The following EHMT1 variants were observed in gnomAD, a reference collection of about 807,000 sequenced individuals.
EHMT1 encodes euchromatic histone lysine methyltransferase 1, also known as histone-lysine N-methyltransferase EHMT1.
EHMT1 carries 15 observed loss-of-function variants against 147.2 expected under a neutral mutation model. The ratio of observed to expected loss-of-function variants is 0.10; its 90% CI spans 0.07 to 0.16. EHMT1 has a LOEUF of 0.16. EHMT1 is among the 10% of genes least tolerant of loss of function. The pLI, the probability that EHMT1 is intolerant of heterozygous loss-of-function variation, is 1.00. For synonymous variants in EHMT1, 795 were observed against 709.6 expected (o/e 1.12, Z -1.91); for missense variants, 1,587 against 1,772.4 (o/e 0.90, Z 1.88).
chr9:137,715,821 C>A (rs1371181694), intron 2 of EHMT1: 1 of 985,200 alleles, frequency 1.0e-6, no homozygotes, highest in Non-Finnish European at 1.2e-6. Flanking sequence ...TCTTCTGAAG[C>A]CTTGTTTTCT....
At chr9:137,768,786 G>A (rs912679723) in intron 10 of EHMT1, among the ~76,000 whole-genome samples, 5 of 151,514 alleles carry the variant, frequency 3.3e-5, no homozygotes, top group Non-Finnish European at 7.4e-5. Context: ...TCCTGACCTC[G>A]TGATCCGCCC....
At chr9:137,635,516 T>A (rs550481053) in intron 1 of EHMT1, among the ~76,000 whole-genome samples, 1 of 150,810 alleles carries the variant, frequency 6.6e-6, no homozygotes, top group Admixed American at 6.6e-5. Context: ...CGCTCGGCCT[T>A]CAGTTTTCTT....
chr9:137,686,543 C>A (rs1310742691), intron 1 of EHMT1, among the ~76,000 whole-genome samples: 1 of 151,794 alleles, frequency 6.6e-6, no homozygotes, highest in African/African-American at 2.4e-5. Context: ...GTGTGCACCC[C>A]CATCCCCGGC....
At chr9:137,678,493 T>G (rs10867051) in intron 1 of EHMT1, among the ~76,000 whole-genome samples, 34,126 of 152,062 alleles carry the variant, frequency 0.22, 4,205 homozygotes, top group Admixed American at 0.33. Context: ...CCGTGTCAGT[T>G]CCCTGCGTGC....
At position 137,637,572 on chromosome 9, in the gene EHMT1, C is replaced by T. The variant is rs192173206; in HGVS notation, c.21+18523C>T. ...TCATGGCTCACTTCAGTCTTGAACT[C>T]CTGAGCTCAAGTGATCCTCCTACTT... On this transcript the variant is annotated intron_variant, in intron 1 of 26. Coordinates refer to ENST00000460843, the MANE Select transcript of EHMT1 (RefSeq NM_024757.5). 9 of 152,328 alleles carry T rather than the reference C, an allele frequency of 5.9e-5. No individual in the cohort carries two copies. In the East Asian group the frequency reaches 1.7e-3, roughly 29 times the overall value. The allele number at this position is 152,328 out of a possible 1,614,324, so 9.4% of individuals were successfully genotyped here. A position where few individuals can be genotyped will look rare whatever the true frequency, so the allele number is the denominator to read the frequency against.
intron 16 of EHMT1, among the ~76,000 whole-genome samples, chr9:137,793,495 C>A (rs1477270311): frequency 1.3e-5 from 2 of 152,230 alleles, no homozygotes; most frequent in Non-Finnish European, 2.9e-5. Context: ...TTCCTCAGAT[C>A]GCTAAGCATA....
At chr9:137,791,948 G>T in intron 16 of EHMT1, 1 of 366,966 alleles carries the variant, frequency 2.7e-6, no homozygotes, top group Non-Finnish European at 5.7e-6. Context: ...GGCCAAGCTG[G>T]TCTCGAACTC....
At chr9:137,804,422 CTT>C (rs1304921100) in intron 18 of EHMT1, among the ~76,000 whole-genome samples, 1 of 152,074 alleles carries the variant, frequency 6.6e-6, no homozygotes. Flanking sequence ...ATCCATATAT[CTT>C]TTTTAATGAA....
chr9:137,715,352 T>C (rs1945111646), intron 2 of EHMT1, among the ~76,000 whole-genome samples: 1 of 152,244 alleles, frequency 6.6e-6, no homozygotes, highest in African/African-American at 2.4e-5. Context: ...AACATAGTTG[T>C]TTATTCAGAA....
At chr9:137,754,320 C>T (rs920834251) in intron 8 of EHMT1, 29 bp downstream of exon 8, 9 of 1,612,950 alleles carry the variant, frequency 5.6e-6, no homozygotes, top group East Asian at 2.2e-5. Flanking sequence ...TGGGCCATCA[C>T]GGGGACTGCC....
intron 1 of EHMT1, chr9:137,641,525 G>C (rs1844484541): frequency 5.3e-6 from 2 of 378,170 alleles, no homozygotes; most frequent in African/African-American, 4.3e-5. Context: ...GGGGATTTTG[G>C]GAATCAATTC....
intron 1 of EHMT1, among the ~76,000 whole-genome samples, chr9:137,621,153 A>G (rs1282012034): frequency 6.6e-6 from 1 of 152,168 alleles, no homozygotes; most frequent in African/African-American, 2.4e-5. Flanking sequence ...CTGTTTTTAG[A>G]TTGATAATTC....
At chr9:137,698,580 G>A (rs1431807399) in intron 1 of EHMT1, among the ~76,000 whole-genome samples, 1 of 152,132 alleles carries the variant, frequency 6.6e-6, no homozygotes, top group African/African-American at 2.4e-5. Context: ...CCAGGGCCCA[G>A]ATGCAGATGG....
At chr9:137,756,327 A>T (rs1025226445) in intron 8 of EHMT1, among the ~76,000 whole-genome samples, 1 of 152,116 alleles carries the variant, frequency 6.6e-6, no homozygotes, top group African/African-American at 2.4e-5. Context: ...CTGTTCCTGG[A>T]CATTCTGGTC....
chr9:137,815,646 A>T (rs995486939), intron 22 of EHMT1: 2 of 439,128 alleles, frequency 4.6e-6, no homozygotes, highest in East Asian at 4.8e-5. Flanking sequence ...AGCCTCGGTG[A>T]GGCTGGAGAA....
At chr9:137,718,760 C>T (rs3123505) in intron 3 of EHMT1, among the ~76,000 whole-genome samples, 18,171 of 135,662 alleles carry the variant, frequency 0.13, 2,433 homozygotes, top group African/African-American at 0.36. Context: ...TTTTCTTTTT[C>T]TTTTTTTTTT....
chr9:137,785,703 A>T (rs563004083), intron 15 of EHMT1: 1 of 152,348 alleles, frequency 6.6e-6, no homozygotes. Context: ...ATATGGTTGC[A>T]TCATGCATAC....
intron 1 of EHMT1, chr9:137,685,417 G>T (rs1942342210): frequency 6.6e-6 from 1 of 152,232 alleles, no homozygotes; most frequent in Non-Finnish European, 1.5e-5. Flanking sequence ...CACCCAGGTT[G>T]TAGCAGGTAT....
chr9:137,799,083 T>TCCGCAGCGTCCCCTC (rs1953219506), intron 17 of EHMT1, among the ~76,000 whole-genome samples, 169 bp downstream of exon 17: 2 of 151,258 alleles, frequency 1.3e-5, no homozygotes, highest in Admixed American at 1.3e-4. Flanking sequence ...GCTCGGACCC[T>TCCGCAGCGTCCCCTC]CCACAGCGTC....
Sources: allele counts gnomAD v4.1 joint callset (sites outside exome capture counted in the v4.1 genomes callset), GRCh38; gene constraint gnomAD v4.1.1; transcripts MANE v1.5; gene names NCBI Gene and HGNC (gene_info 2026-07-23, HGNC 2026-07-21).